Variants in NOC2L observed in about 807,000 individuals in gnomAD.
NOC2L encodes nucleolar complex protein 2 homolog.
In NOC2L, 101 loss-of-function variants were observed where a neutral mutation model predicts 94.2. That is an observed-to-expected ratio of 1.07 (90% confidence interval 0.91 to 1.26). The LOEUF is 1.26. Ranked by LOEUF, NOC2L falls within the 50% of genes most tolerant of loss-of-function variation. NOC2L has a pLI of 0.00. For synonymous variants in NOC2L, 531 were observed against 413.4 expected (o/e 1.28, Z -3.45); for missense variants, 1,076 against 980.1 (o/e 1.10, Z -1.31).
rs759529704 is a variant in NOC2L, at chr1:952,158, G to A, written c.1192-19C>T. 26 of 1,612,918 alleles carry A rather than the reference G, an allele frequency of 1.6e-5. No individual in the cohort carries two copies. Among genetic ancestry groups the A allele is most frequent in the South Asian group, 6.6e-5 (6 of 91,050 alleles). Reference sequence around the variant, plus strand: ...ATGTTTCCTGGTCAGAGAGAACCACGTCAGCTACTGGCCAGGCTGACAAGT... The same window carrying A: ...ATGTTTCCTGGTCAGAGAGAACCACATCAGCTACTGGCCAGGCTGACAAGT... On this transcript the variant is annotated intron_variant, in intron 10 of 18. Transcript: ENST00000327044.
chr1:944,583 C>T lies in NOC2L; in HGVS notation c.*111G>A, dbSNP rs577769610. On this transcript the variant is annotated 3_prime_UTR_variant, in exon 19 of 19. Transcript: ENST00000327044. Reference sequence around the variant, plus strand: ...ATAAATAATAAAGCCTGTCCCGTGTCTACTGCCTCCCCCAACTGCACAGAC... The same window carrying T: ...ATAAATAATAAAGCCTGTCCCGTGTTTACTGCCTCCCCCAACTGCACAGAC... 3 of 674,866 alleles carry T rather than the reference C, an allele frequency of 4.4e-6. No individual in the cohort carries two copies. The highest frequency in any genetic ancestry group is 3.6e-5 in the African/African-American group (2 of 55,000). 41.8% of individuals were successfully genotyped at this position (674,866 alleles called of 1,614,324 possible). A position where few individuals can be genotyped will look rare whatever the true frequency, so the allele number is the denominator to read the frequency against.
rs749893385 is a variant in NOC2L at position 956,948 on chromosome 1, C to A, written c.432G>T (p.Lys144Asn). The A allele has an allele frequency of 8.1e-6, 13 of 1,614,002 alleles. No homozygotes were observed. In the Admixed American group the frequency reaches 1.5e-4, roughly 19 times the overall value. Residue 144 changes from lysine (K) to asparagine (N), a missense_variant, in exon 4 of 19, where the codon AAG (lysine) becomes AAT (asparagine). Lys to Asn is a moderately conservative substitution (Grantham distance 94). Coordinates refer to ENST00000327044, the MANE Select transcript of NOC2L (RefSeq NM_015658.4). Reference sequence around the variant, plus strand: ...TGGCGACGGTCACAGGAACAGAATTCTTCTTCCCCTTCAGCCCTCTGGGGA... The same window carrying A: ...TGGCGACGGTCACAGGAACAGAATTATTCTTCCCCTTCAGCCCTCTGGGGA... Reference protein sequence around the residue: ...DRVPRGLKGKKNSVPVTVAMV... With the variant: ...DRVPRGLKGKNNSVPVTVAMV...
chr1:952,200 C>T (rs1642278745), intron 10 of NOC2L, 61 bp from the exon 11 acceptor site: 17 of 1,584,354 alleles, frequency 1.1e-5, no homozygotes, highest in Non-Finnish European at 1.5e-5. Flanking sequence ...GATGCACGTT[C>T]CTCCTGGGCC....
In NOC2L at chr1:946,428, A is replaced by G; in HGVS notation, c.1777T>C (p.Phe593Leu). The G allele has an allele frequency of 6.2e-7, 1 of 1,613,560 alleles. No homozygotes were observed. Among genetic ancestry groups the G allele is most frequent in the Non-Finnish European group, 8.5e-7 (1 of 1,180,014 alleles). Residue 593 changes from phenylalanine (F) to leucine (L), a missense_variant, in exon 15 of 19, where the codon TTC becomes CTC. Coordinates refer to ENST00000327044, the MANE Select transcript of NOC2L (RefSeq NM_015658.4). ...ACTGCCTGCTGCTCAGAGACGCCGAAGGAAACCCTCTGGCGGCGGCTGCAG... is the reference window on the plus strand; with the variant it reads ...ACTGCCTGCTGCTCAGAGACGCCGAGGGAAACCCTCTGGCGGCGGCTGCAG... ...YICSRRQRVS[F>L]GVSEQQAVEA...
chr1:946,354 T>A (rs74045012), intron 15 of NOC2L, 48 bp downstream of exon 15: 1 of 1,613,134 alleles, frequency 6.2e-7, no homozygotes, highest in Admixed American at 1.7e-5. Context: ...GCTGGGGCTA[T>A]ACCCTGGCAG....
intron 10 of NOC2L, 92 bp from the exon 11 acceptor site, chr1:952,231 A>G: frequency 6.7e-7 from 1 of 1,492,580 alleles, no homozygotes; most frequent in Non-Finnish European, 9.2e-7. Context: ...TCATTTCCTC[A>G]TCTTGCACAC....
chr1:957,338 CA>C, intron 2 of NOC2L, 65 bp from the exon 3 acceptor site: 1 of 1,504,178 alleles, frequency 6.6e-7, no homozygotes, highest in Non-Finnish European at 9.1e-7. Context: ...GAGTGGCCTA[CA>C]GGGTCAGTCT....
Position 958,647 on chromosome 1 carries a change from G to A in NOC2L, c.179+282C>T, listed in dbSNP as rs551965997. 1.0e-3 allele frequency: 644 copies of A among 642,020 alleles called. 1 individual carries two copies. Among genetic ancestry groups the A allele is most frequent in the Non-Finnish European group, 1.6e-3 (548 of 346,544 alleles). 39.8% of individuals were successfully genotyped at this position (642,020 alleles called of 1,614,324 possible). ...CCCCAGCACTTATCTCTCTTCTACC[G>A]AACTGCAGGCGGTGATTTCACCCAA... On this transcript the variant is annotated intron_variant, in intron 2 of 18. Coordinates refer to ENST00000327044, the MANE Select transcript of NOC2L (RefSeq NM_015658.4).
At chr1:952,301 G>T in intron 10 of NOC2L, 111 bp downstream of exon 10, 1 of 1,442,376 alleles carries the variant, frequency 6.9e-7, no homozygotes, top group Non-Finnish European at 9.5e-7. Flanking sequence ...CAGGGTGCTG[G>T]GCTGTCTCCA....
Position 958,995 on chromosome 1 carries a change from G to T in NOC2L, c.113C>A (p.Ala38Glu), listed in dbSNP as rs1180546729. ...AGCCTCGCGTGCTTCCCGTGTCTCC[G>T]CTTGTGGAGAATTTTCGGACTCGGA... ...SESESENSPQ[A>E]ETREAREAAR... The change falls in exon 2 of 19, where the codon GCG (alanine) becomes GAG (glutamate). Residue 38 changes from alanine to glutamate, a missense_variant. Ala to Glu is a moderately radical substitution (Grantham distance 107). This residue lies in a region of NOC2L where 457 missense variants were observed against 386.0 expected (regional missense o/e 1.18). Coordinates refer to ENST00000327044, the MANE Select transcript of NOC2L (RefSeq NM_015658.4). 6.2e-7 allele frequency: 1 copy of T among 1,612,728 alleles called. No individual in the cohort carries two copies. The highest frequency in any genetic ancestry group is 2.2e-5 in the East Asian group (1 of 44,876).
At chr1:949,196 G>GTCT (rs1642191707) in intron 12 of NOC2L, among the ~76,000 whole-genome samples, 5 of 152,130 alleles carry the variant, frequency 3.3e-5, no homozygotes, top group Non-Finnish European at 7.3e-5. Flanking sequence ...TGGCCTCTCA[G>GTCT]TCTTGTGACC....
chr1:951,340 C>T (rs139865906), intron 11 of NOC2L, 102 bp from the exon 12 acceptor site: 5 of 907,640 alleles, frequency 5.5e-6, no homozygotes, highest in Admixed American at 2.0e-5. Flanking sequence ...GACATCAGAC[C>T]CCTAAAGCAG....
At chr1:952,984 C>T (rs567147268) in intron 9 of NOC2L, among the ~76,000 whole-genome samples, 191 bp downstream of exon 9, 8 of 152,188 alleles carry the variant, frequency 5.3e-5, no homozygotes, top group Non-Finnish European at 1.0e-4. Flanking sequence ...CTGAGAAGGC[C>T]GAGGGCTCTC....
chr1:944,228 C>CGCTTTATTTCT lies in NOC2L; in HGVS notation c.*455_*465dup. ...TCAACACAATGGCCCTGCCTCCCAC[C>CGCTTTATTTCT]GCTTTATTTCTTTCGGTTTCGGATG... On this transcript the variant is annotated 3_prime_UTR_variant, in exon 19 of 19. Coordinates refer to ENST00000327044, the MANE Select transcript of NOC2L (RefSeq NM_015658.4). 3 of 1,458,160 alleles carry CGCTTTATTTCT rather than the reference C, an allele frequency of 2.1e-6. No homozygotes were observed. The highest frequency in any genetic ancestry group is 2.7e-6 in the Non-Finnish European group (3 of 1,106,038). The allele number at this position is 1,458,160 out of a possible 1,614,324, so 90.3% of individuals were successfully genotyped here.
At chr1:953,123 C>G in intron 9 of NOC2L, 52 bp downstream of exon 9, 1 of 1,385,976 alleles carries the variant, frequency 7.2e-7, no homozygotes, top group Middle Eastern at 1.8e-4. Context: ...GCCCTTAGGC[C>G]GAGATTTCCA....
In NOC2L at chr1:953,148, G is replaced by A. The variant is rs772258883; in HGVS notation, c.1002+27C>T. On this transcript the variant is annotated intron_variant, in intron 9 of 18. Coordinates refer to ENST00000327044, the MANE Select transcript of NOC2L (RefSeq NM_015658.4). ...CGAGATTTCCAATGCAGATGCTGAG[G>A]GACACAGACGCAGGGCCCACCACTA... 5 of 1,516,762 alleles carry A rather than the reference G, an allele frequency of 3.3e-6. No homozygotes were observed. In the African/African-American group the frequency reaches 4.1e-5, roughly 12 times the overall value. 94.0% of individuals were successfully genotyped at this position (1,516,762 alleles called of 1,614,324 possible). A position where few individuals can be genotyped will look rare whatever the true frequency, so the allele number is the denominator to read the frequency against.
chr1:959,006 AT>A lies in NOC2L; in HGVS notation c.101del (p.Asn34IlefsTer43). ...CTTCCCGTGTCTCCGCTTGTGGAGA[AT>A]TTTCGGACTCGGATTCGGACTCGGA... Reference protein sequence around the residue: ...FDSESESESENSPQAETREAR... With the variant: ...FDSESESESEXSPQAETREAR... On this transcript the variant is annotated frameshift_variant, in exon 2 of 19. Transcript: ENST00000327044. LOFTEE classifies it high-confidence loss of function. The A allele has an allele frequency of 6.2e-7, 1 of 1,612,564 alleles. No homozygotes were observed. The highest frequency in any genetic ancestry group is 8.5e-7 in the Non-Finnish European group (1 of 1,179,880).
intron 17 of NOC2L, 44 bp from the exon 18 acceptor site, chr1:945,190 G>A (rs769439819): frequency 6.4e-5 from 100 of 1,550,814 alleles, no homozygotes; most frequent in Non-Finnish European, 8.5e-5. Flanking sequence ...CACCCACAGG[G>A]TCCACCAGCA....
At chr1:949,541 G>A (rs1399332900) in intron 12 of NOC2L, among the ~76,000 whole-genome samples, 3 of 152,228 alleles carry the variant, frequency 2.0e-5, no homozygotes, top group Non-Finnish European at 4.4e-5. Flanking sequence ...TTTTTCCGGA[G>A]AGGAGAGGCC....
Sources: allele counts gnomAD v4.1 joint callset (sites outside exome capture counted in the v4.1 genomes callset), GRCh38; gene constraint gnomAD v4.1.1; regional missense constraint gnomAD v4.1.1; transcripts MANE v1.5; gene names NCBI Gene and HGNC (gene_info 2026-07-23, HGNC 2026-07-21).